The following RBFOX1 variants were observed in gnomAD, a reference collection of about 807,000 sequenced individuals.
RBFOX1 encodes RNA binding fox-1 homolog 1.
RBFOX1 carries 8 observed loss-of-function variants against 57.7 expected under a neutral mutation model. The ratio of observed to expected loss-of-function variants is 0.14; its 90% CI spans 0.08 to 0.25. RBFOX1 has a LOEUF of 0.25. RBFOX1 is among the 10% of genes least tolerant of loss of function. The pLI, the probability that RBFOX1 is intolerant of heterozygous loss-of-function variation, is 1.00. For synonymous variants in RBFOX1, 326 were observed against 222.4 expected, an observed-to-expected ratio of 1.47 and a Z score of -4.15; for missense variants, 611 against 548.5, an observed-to-expected ratio of 1.11 and a Z score of -1.14.
At chr16:5,335,663 T>C (rs971868982) in intron 1 of RBFOX1, among the ~76,000 whole-genome samples, 1 of 152,120 alleles carries the variant, frequency 6.6e-6, no homozygotes, top group Admixed American at 6.5e-5. Flanking sequence ...TTTTTGTGTG[T>C]GGAGTGGCAC....
intron 6 of RBFOX1, among the ~76,000 whole-genome samples, chr16:7,582,577 A>G (rs1455708055): frequency 6.6e-6 from 1 of 152,208 alleles, no homozygotes; most frequent in Non-Finnish European, 1.5e-5. Context: ...AAGCATCTGT[A>G]AACATTCTCA....
At chr16:5,731,688 G>A (rs372318519) in intron 3 of RBFOX1, among the ~76,000 whole-genome samples, 1 of 152,150 alleles carries the variant, frequency 6.6e-6, no homozygotes, top group African/African-American at 2.4e-5. Context: ...AATCCCCCCT[G>A]GATGTCCATA....
chr16:7,059,741 T>A (rs1263984300), intron 4 of RBFOX1, among the ~76,000 whole-genome samples: 1 of 152,196 alleles, frequency 6.6e-6, no homozygotes, highest in Admixed American at 6.5e-5. Flanking sequence ...TGGTACAAAT[T>A]TACCTTTCTC....
intron 2 of RBFOX1, among the ~76,000 whole-genome samples, chr16:6,362,268 C>T (rs969226323): frequency 3.3e-5 from 5 of 152,070 alleles, no homozygotes; most frequent in African/African-American, 7.2e-5. Context: ...TTCTAATGCC[C>T]GTCCTTCCTC....
chr16:7,064,039 C>G (rs547988318), intron 4 of RBFOX1, among the ~76,000 whole-genome samples: 4 of 152,118 alleles, frequency 2.6e-5, no homozygotes, highest in Admixed American at 2.6e-4. Flanking sequence ...AAAAGTCATA[C>G]ATGGAAGTTC....
intron 1 of RBFOX1, among the ~76,000 whole-genome samples, chr16:5,297,892 C>G (rs75622486): frequency 0.019 from 2,898 of 152,272 alleles, 82 homozygotes; most frequent in African/African-American, 0.065. Flanking sequence ...AGGTCAGGAA[C>G]AAAGTCTGTT....
At chr16:5,322,027 GA>G (rs2064424396) in intron 1 of RBFOX1, among the ~76,000 whole-genome samples, 1 of 152,122 alleles carries the variant, frequency 6.6e-6, no homozygotes, top group South Asian at 2.1e-4. Context: ...CCATCCTACA[GA>G]TGAAGAAGCT....
intron 2 of RBFOX1, among the ~76,000 whole-genome samples, chr16:6,418,995 C>T (rs2093702045): frequency 1.3e-5 from 2 of 152,184 alleles, no homozygotes. Flanking sequence ...AACTTTTCCC[C>T]AGAACAGAGA....
intron 1 of RBFOX1, among the ~76,000 whole-genome samples, chr16:6,182,049 C>A (rs1468820078): frequency 6.6e-6 from 1 of 152,138 alleles, no homozygotes; most frequent in Non-Finnish European, 1.5e-5. Context: ...ACAAGGAAGA[C>A]TGGGAAATGT....
intron 2 of RBFOX1, among the ~76,000 whole-genome samples, chr16:6,548,608 T>C (rs2153859614): frequency 6.6e-6 from 1 of 152,234 alleles, no homozygotes; most frequent in Non-Finnish European, 1.5e-5. Context: ...AACTTTCAAA[T>C]AAGCTGAAGG....
intron 3 of RBFOX1, among the ~76,000 whole-genome samples, chr16:6,685,301 A>C (rs1241021171): frequency 2.0e-5 from 2 of 101,816 alleles, no homozygotes; most frequent in Non-Finnish European, 3.7e-5. Context: ...TTTGAGATGG[A>C]GTCTCACCCT....
chr16:7,215,642 C>A (rs139658688), intron 4 of RBFOX1, among the ~76,000 whole-genome samples: 23 of 152,110 alleles, frequency 1.5e-4, no homozygotes, highest in Admixed American at 3.3e-4. Context: ...GATCCTCGGG[C>A]AGATTAGCAT....
rs546731390 is a variant in RBFOX1 at position 6,883,924 on chromosome 16, C to T, written c.-15-168133C>T. Among the ~76,000 whole-genome samples, 2 of 152,126 alleles carry T rather than the reference C, an allele frequency of 1.3e-5. 1 individual carries two copies. Among genetic ancestry groups the T allele is most frequent in the South Asian group, 4.2e-4 (2 of 4,812 alleles). On this transcript the variant is annotated intron_variant, in intron 3 of 15. Coordinates refer to ENST00000550418, the MANE Select transcript of RBFOX1 (RefSeq NM_018723.4). ...AAGTTAGAGGGGAACATCTTTACCC[C>T]AGGTACAAATGACGTTGCTACTTGC...
intron 3 of RBFOX1, among the ~76,000 whole-genome samples, chr16:7,050,255 T>C (rs1461758732): frequency 6.6e-6 from 1 of 150,946 alleles, no homozygotes; most frequent in African/African-American, 2.4e-5. Flanking sequence ...TTTTTTCCTT[T>C]ATTTTTATCT....
At chr16:7,455,805 AAAAAAG>A (rs2058392373) in intron 4 of RBFOX1, among the ~76,000 whole-genome samples, 1 of 151,842 alleles carries the variant, frequency 6.6e-6, no homozygotes, top group African/African-American at 2.4e-5. Flanking sequence ...AAAAAAAGAA[AAAAAAG>A]AAAAAAAAAA....
At chr16:7,028,820 A>C (rs1463414791) in intron 3 of RBFOX1, among the ~76,000 whole-genome samples, 1 of 151,144 alleles carries the variant, frequency 6.6e-6, no homozygotes, top group Non-Finnish European at 1.5e-5. Flanking sequence ...CAAAGCCAGC[A>C]GTATGTGGAC....
intron 4 of RBFOX1, among the ~76,000 whole-genome samples, chr16:7,486,993 G>A (rs746391199): frequency 2.6e-5 from 4 of 152,198 alleles, no homozygotes; most frequent in East Asian, 1.9e-4. Flanking sequence ...TCTGCCTCCC[G>A]GGTTCAAGCA....
At chr16:7,039,497 CATT>C (rs1333767264) in intron 3 of RBFOX1, among the ~76,000 whole-genome samples, 1 of 152,176 alleles carries the variant, frequency 6.6e-6, no homozygotes, top group Non-Finnish European at 1.5e-5. Flanking sequence ...TGACTTGAGT[CATT>C]GTTGTGACTT....
At chr16:5,712,811 G>A (rs1197580186) in intron 3 of RBFOX1, among the ~76,000 whole-genome samples, 4 of 152,116 alleles carry the variant, frequency 2.6e-5, no homozygotes, top group Non-Finnish European at 5.9e-5. Context: ...AGTTTTTAAT[G>A]CTACTTCTTT....
Sources: allele counts gnomAD v4.1 joint callset (sites outside exome capture counted in the v4.1 genomes callset), GRCh38; gene constraint gnomAD v4.1.1; transcripts MANE v1.5; gene names NCBI Gene and HGNC (gene_info 2026-07-23, HGNC 2026-07-21).